The following ADGRL2 variants were observed in gnomAD, a reference collection of about 807,000 sequenced individuals.
ADGRL2 encodes the protein calcium-independent alpha-latrotoxin receptor 2.
In ADGRL2, 44 loss-of-function variants were observed where a neutral mutation model predicts 157.4. The observed-to-expected ratio is 0.28, with a 90% CI of 0.22 to 0.36. ADGRL2 has a LOEUF of 0.36. ADGRL2 is among the 10% of genes least tolerant of loss of function. ADGRL2 has a pLI of 1.00. For missense variants in ADGRL2, 1,510 were observed against 1,768.9 expected (o/e 0.85, Z 2.63); for synonymous variants, 585 against 624.7 (o/e 0.94, Z 0.95).
At chr1:81,630,442 A>G (rs1300152173) in intron 3 of ADGRL2, among the ~76,000 whole-genome samples, 2 of 152,164 alleles carry the variant, frequency 1.3e-5, no homozygotes, top group Non-Finnish European at 2.9e-5. Flanking sequence ...AACCAATCTC[A>G]TAGAGATTAT....
At chr1:81,506,423 T>C (rs1050347315) in intron 2 of ADGRL2, 6 of 152,084 alleles carry the variant, frequency 3.9e-5, no homozygotes, top group African/African-American at 1.2e-4. Flanking sequence ...TGACAAGAAA[T>C]GTTGGCCAGG....
chr1:81,317,277 T>G (rs2100591600), intron 1 of ADGRL2, among the ~76,000 whole-genome samples: 1 of 152,290 alleles, frequency 6.6e-6, no homozygotes, highest in South Asian at 2.1e-4. Flanking sequence ...ATTTCTTCAC[T>G]CTGTCTCAAC....
chr1:81,835,745 T>C (rs2092244702), intron 1 of ADGRL2, among the ~76,000 whole-genome samples: 1 of 152,088 alleles, frequency 6.6e-6, no homozygotes, highest in South Asian at 2.1e-4. Context: ...GAGCTAAAAC[T>C]TGGGCCAATT....
chr1:81,926,472 C>G (rs2095109565), intron 3 of ADGRL2, among the ~76,000 whole-genome samples: 1 of 151,996 alleles, frequency 6.6e-6, no homozygotes, highest in South Asian at 2.1e-4. Flanking sequence ...CTAATTTAAT[C>G]TAACTAGGGC....
At chr1:81,738,892 G>C (rs2084984936) in intron 1 of ADGRL2, among the ~76,000 whole-genome samples, 1 of 152,260 alleles carries the variant, frequency 6.6e-6, no homozygotes, top group East Asian at 1.9e-4. Context: ...CAATTAACCT[G>C]GTTATAAGGT....
chr1:81,446,234 C>T (rs866080532), intron 2 of ADGRL2, among the ~76,000 whole-genome samples: 3 of 152,184 alleles, frequency 2.0e-5, no homozygotes, highest in Admixed American at 6.5e-5. Context: ...GCCCGGCGCA[C>T]AGCACAGCGT....
intron 1 of ADGRL2, among the ~76,000 whole-genome samples, chr1:81,740,247 CA>C (rs748114929): frequency 1.1e-4 from 17 of 152,110 alleles, no homozygotes; most frequent in Non-Finnish European, 4.4e-5. Flanking sequence ...ATTCATTAAA[CA>C]AGGGTTTATT....
chr1:81,828,423 A>G (rs940500275), intron 1 of ADGRL2, among the ~76,000 whole-genome samples: 1 of 152,058 alleles, frequency 6.6e-6, no homozygotes, highest in Non-Finnish European at 1.5e-5. Flanking sequence ...TTTTAAGCAG[A>G]TTTTTGCTTT....
intron 2 of ADGRL2, among the ~76,000 whole-genome samples, chr1:81,456,038 A>C (rs1359006789): frequency 1.3e-5 from 2 of 152,198 alleles, no homozygotes; most frequent in Non-Finnish European, 2.9e-5. Flanking sequence ...TAATAACCTC[A>C]TAAAAGCCTA....
chr1:81,404,029 C>T (rs1265473476), intron 1 of ADGRL2, among the ~76,000 whole-genome samples: 1 of 152,088 alleles, frequency 6.6e-6, no homozygotes, highest in Non-Finnish European at 1.5e-5. Flanking sequence ...ATCTCTTGAC[C>T]TCGTAATCCG....
intron 2 of ADGRL2, among the ~76,000 whole-genome samples, chr1:81,516,888 A>G (rs1417471147): frequency 1.3e-5 from 2 of 152,094 alleles, no homozygotes; most frequent in African/African-American, 2.4e-5. Context: ...TTGGGTGCTT[A>G]TATGTTCTAC....
intron 2 of ADGRL2, among the ~76,000 whole-genome samples, chr1:81,783,901 C>G (rs2086920076): frequency 6.6e-6 from 1 of 152,050 alleles, no homozygotes; most frequent in South Asian, 2.1e-4. Context: ...TTGTTATGTG[C>G]CAGGTACTAT....
intron 1 of ADGRL2, among the ~76,000 whole-genome samples, chr1:81,343,007 C>T (rs1050675019): frequency 3.0e-4 from 45 of 151,768 alleles, no homozygotes; most frequent in African/African-American, 9.7e-4. Flanking sequence ...TTAATGTATA[C>T]GTAAAGAATA....
At chr1:81,697,303 G>C (rs575421096), upstream of ADGRL2, among the ~76,000 whole-genome samples, 1 of 152,258 alleles carries the variant, frequency 6.6e-6, no homozygotes, top group Non-Finnish European at 1.5e-5. Flanking sequence ...TGTGTTTCTT[G>C]TGACATAATT....
chr1:81,522,507 T>C (rs968050387), intron 2 of ADGRL2, among the ~76,000 whole-genome samples: 7 of 152,318 alleles, frequency 4.6e-5, no homozygotes, highest in African/African-American at 1.4e-4. Context: ...AGTTGGCTTA[T>C]GTGGCATCTA....
At chr1:81,840,603 C>A (rs1286503818) in intron 2 of ADGRL2, among the ~76,000 whole-genome samples, 1 of 152,086 alleles carries the variant, frequency 6.6e-6, no homozygotes, top group African/African-American at 2.4e-5. Context: ...ATCTATCTAT[C>A]TCTATTTTGA....
chr1:81,947,838 T>A (rs911778112), intron 6 of ADGRL2, among the ~76,000 whole-genome samples: 1 of 152,194 alleles, frequency 6.6e-6, no homozygotes, highest in South Asian at 2.1e-4. Flanking sequence ...AGCTTTATGA[T>A]CATGTTTATT....
chr1:81,783,869 A>G (rs1164429731), intron 2 of ADGRL2, among the ~76,000 whole-genome samples: 1 of 152,236 alleles, frequency 6.6e-6, no homozygotes, highest in Non-Finnish European at 1.5e-5. Context: ...AGATACTAAA[A>G]TAATAGCAAA....
At chr1:81,961,960 G>A (rs1025514126) in intron 11 of ADGRL2, among the ~76,000 whole-genome samples, 7 of 152,108 alleles carry the variant, frequency 4.6e-5, no homozygotes, top group African/African-American at 1.7e-4. Context: ...CCTGACAGAA[G>A]GAAAACTGTA....
Sources: allele counts gnomAD v4.1 joint callset (sites outside exome capture counted in the v4.1 genomes callset), GRCh38; gene constraint gnomAD v4.1.1; transcripts MANE v1.5; gene names NCBI Gene and HGNC (gene_info 2026-07-23, HGNC 2026-07-21).